The following NHSL2 variants were observed in gnomAD, a reference collection of about 807,000 sequenced individuals.
The protein encoded by NHSL2 is NHS like 2.
Under a neutral mutation model 53.4 loss-of-function variants are expected in NHSL2, and 27 were observed. The ratio of observed to expected loss-of-function variants is 0.51; its 90% confidence interval spans 0.37 to 0.70. The LOEUF (loss-of-function observed/expected upper bound fraction) is 0.70, where lower values mean the gene tolerates loss of function less well. Among genes scored for constraint, NHSL2 ranks in the 30% least tolerant of loss-of-function variants. The probability of loss-of-function intolerance (pLI) is 0.00; values close to 1 mark genes in which losing one functional copy is unlikely to be tolerated. For missense variants in NHSL2, 892 were observed against 980.1 expected (o/e 0.91, Z 1.20); for synonymous variants, 408 against 404.1 (o/e 1.01, Z -0.12).
intron 1 of NHSL2, among the ~76,000 whole-genome samples, chrX:71,911,842 G>T (rs931932182): frequency 1.8e-5 from 2 of 112,910 alleles, no homozygotes; most frequent in African/African-American, 6.4e-5. Flanking sequence ...CTACGCGGCG[G>T]CAGGAGCCGG....
rs149723455 is a variant in NHSL2 at position 71,986,779 on chromosome X, A to G, written c.280+75412A>G. On this transcript the variant is annotated intron_variant, in intron 1 of 7. Coordinates refer to ENST00000633930, the MANE Select transcript of NHSL2 (RefSeq NM_001013627.3). ...ACGTGGGCCCAAATTCTGGCACCAA[A>G]TCAGTATGCTTTTAGTCCAATGTTC... is the stretch of plus-strand genomic sequence containing the variant. 4.9e-3 allele frequency among the ~76,000 whole-genome samples: 543 copies of G among 111,689 alleles called. 1 individual carries two copies. The highest frequency in any genetic ancestry group is 0.014 in the Middle Eastern group (3 of 217).
At chrX:72,017,662 G>A (rs1244197618) in intron 1 of NHSL2, among the ~76,000 whole-genome samples, 3 of 112,202 alleles carry the variant, frequency 2.7e-5, no homozygotes, top group East Asian at 2.8e-4. Flanking sequence ...AGATATCTGC[G>A]TTCTCCCCCT....
At chrX:72,086,587 G>C (rs1488340415) in intron 1 of NHSL2, among the ~76,000 whole-genome samples, 1 of 107,420 alleles carries the variant, frequency 9.3e-6, no homozygotes, top group Non-Finnish European at 1.9e-5. Flanking sequence ...GGGAGGCTGA[G>C]GCAGGAGAAT....
intron 1 of NHSL2, among the ~76,000 whole-genome samples, chrX:71,970,353 T>C (rs1420053646): frequency 8.9e-6 from 1 of 112,268 alleles, no homozygotes; most frequent in Non-Finnish European, 1.9e-5. Flanking sequence ...AGTAAAGCCA[T>C]CTGGGCCTGG....
intron 1 of NHSL2, among the ~76,000 whole-genome samples, chrX:71,926,376 G>C (rs767067451): frequency 2.5e-4 from 28 of 112,141 alleles, no homozygotes; most frequent in Non-Finnish European, 5.1e-4. Context: ...AACTTACTAG[G>C]TAGATAAACT....
rs193058058 is a variant in NHSL2 at position 72,129,695 on chromosome X, G to A, written c.281-2384G>A. ...CGGTTGCAAGATGGTCTGGAATTCT[G>A]CAGGTCTTCTTCAGGTTCTGCAGGT... On this transcript the variant is annotated intron_variant, in intron 1 of 7. Transcript: ENST00000633930. 3.4e-5 allele frequency: 21 copies of A among 619,949 alleles called. No individual in the cohort carries two copies. The East Asian group carries it at 6.1e-4, about 18-fold the overall frequency. 51.1% of individuals were successfully genotyped at this position (619,949 alleles called of 1,213,427 possible).
At chrX:71,964,273 C>T (rs1441520904) in intron 1 of NHSL2, among the ~76,000 whole-genome samples, 2 of 93,458 alleles carry the variant, frequency 2.1e-5, no homozygotes, top group Non-Finnish European at 4.2e-5. Context: ...TCCATGTGTT[C>T]TCATTGTTCA....
At position 72,134,494 on chromosome X, in the gene NHSL2, C is replaced by A. The variant is rs768874963; in HGVS notation, c.565-15C>A. On this transcript the variant is annotated splice_polypyrimidine_tract_variant and intron_variant, in intron 3 of 7. Transcript: ENST00000633930. ...GGCAGGAATACACCCTTTCCATCAC[C>A]TTCTCTCCCAACAGCCTACAAAACG... The A allele has an allele frequency of 1.7e-6, 2 of 1,155,380 alleles. No homozygotes were observed. The highest frequency in any genetic ancestry group is 2.3e-6 in the Non-Finnish European group (2 of 862,676).
chrX:71,984,850 G>GTCT (rs1438388059), intron 1 of NHSL2, among the ~76,000 whole-genome samples: 2 of 97,526 alleles, frequency 2.1e-5, no homozygotes, highest in Non-Finnish European at 4.1e-5. Flanking sequence ...TTGAGATGGA[G>GTCT]TCTTGCTCTG....
Position 72,055,223 on chromosome X carries a change from G to C in NHSL2, c.281-76856G>C, listed in dbSNP as rs138232221. Among the ~76,000 whole-genome samples, 871 of 111,960 alleles carry C rather than the reference G, an allele frequency of 7.8e-3. 7 individuals are homozygous for C. The highest frequency in any genetic ancestry group is 0.027 in the African/African-American group (835 of 30,814). On this transcript the variant is annotated intron_variant, in intron 1 of 7. Coordinates refer to ENST00000633930, the MANE Select transcript of NHSL2 (RefSeq NM_001013627.3). ...AAGTCCCTGCGCATCTAAACACTCA[G>C]ACTTGAGCAAAGTCACGCAGCCAAC...
At chrX:72,075,674 C>T (rs750971446) in intron 1 of NHSL2, among the ~76,000 whole-genome samples, 5 of 111,891 alleles carry the variant, frequency 4.5e-5, no homozygotes, top group Middle Eastern at 4.6e-3. Flanking sequence ...CTCATCGAGC[C>T]TCCTTGGTCA....
chrX:72,083,692 G>C (rs189136205), intron 1 of NHSL2, among the ~76,000 whole-genome samples: 12 of 108,956 alleles, frequency 1.1e-4, no homozygotes, highest in Admixed American at 3.9e-4. Flanking sequence ...ATTTGTTTAA[G>C]AAAAAAAAAC....
At chrX:72,132,275 G>T in intron 2 of NHSL2, 41 bp downstream of exon 2, 1 of 1,099,712 alleles carries the variant, frequency 9.1e-7, no homozygotes, top group Non-Finnish European at 1.2e-6. Context: ...GCCCAGAAGC[G>T]AGATGCGCAG....
chrX:72,043,435 C>T (rs932624065), intron 1 of NHSL2, among the ~76,000 whole-genome samples: 2 of 111,367 alleles, frequency 1.8e-5, no homozygotes, highest in Middle Eastern at 4.6e-3. Context: ...TTTGTACTAA[C>T]TCCATGAGGT....
chrX:71,958,538 AG>A (rs1364338488), intron 1 of NHSL2, among the ~76,000 whole-genome samples: 2 of 110,898 alleles, frequency 1.8e-5, no homozygotes, highest in Non-Finnish European at 1.9e-5. Flanking sequence ...GAGTTGGGGG[AG>A]GGGGAGGGCA....
intron 6 of NHSL2, 65 bp from the exon 7 acceptor site, chrX:72,142,165 CAT>C: frequency 1.1e-6 from 1 of 901,405 alleles, no homozygotes. Flanking sequence ...AATGAAATAA[CAT>C]ATGAGAATGT....
At chrX:72,085,294 C>G (rs1410882132) in intron 1 of NHSL2, among the ~76,000 whole-genome samples, 3 of 112,414 alleles carry the variant, frequency 2.7e-5, no homozygotes, top group Non-Finnish European at 5.6e-5. Context: ...TATATTTCAT[C>G]TTGACCTAGC....
At chrX:72,110,680 CG>C (rs1274621359) in intron 1 of NHSL2, among the ~76,000 whole-genome samples, 4 of 96,131 alleles carry the variant, frequency 4.2e-5, no homozygotes, top group South Asian at 5.1e-4. Flanking sequence ...TTGGACAGGA[CG>C]CTGAACGGCT....
intron 1 of NHSL2, among the ~76,000 whole-genome samples, chrX:72,068,418 G>T (rs1447888710): frequency 8.9e-6 from 1 of 112,412 alleles, no homozygotes; most frequent in Non-Finnish European, 1.9e-5. Flanking sequence ...CAGGCCCCCT[G>T]TCCCAGTGAG....
Sources: allele counts gnomAD v4.1 joint callset (sites outside exome capture counted in the v4.1 genomes callset), GRCh38; gene constraint gnomAD v4.1.1; transcripts MANE v1.5; gene names NCBI Gene and HGNC (gene_info 2026-07-23, HGNC 2026-07-21).